SDK1: variants seen among roughly 807,000 people sequenced by gnomAD.
The protein encoded by SDK1 is protein sidekick-1.
SDK1 carries 157 observed loss-of-function variants against 245.5 expected under a neutral mutation model. The ratio of observed to expected loss-of-function variants is 0.64; its 90% CI spans 0.56 to 0.73. The LOEUF (loss-of-function observed/expected upper bound fraction) is 0.73, where lower values mean the gene tolerates loss of function less well. SDK1 is among the 30% of genes least tolerant of loss of function. SDK1 has a pLI of 0.00. For synonymous variants in SDK1, 1,647 were observed against 1,278.5 expected, an observed-to-expected ratio of 1.29 and a Z score of -6.15; for missense variants, 3,583 against 3,002.3, an observed-to-expected ratio of 1.19 and a Z score of -4.52.
rs117600916 is a variant in SDK1 at position 4,248,910 on chromosome 7, C to T, written c.6381+3105C>T. Among the ~76,000 whole-genome samples the T allele has an allele frequency of 3.3e-3, 454 of 139,472 alleles. 11 individuals are homozygous for T. In the East Asian group the frequency reaches 0.053, roughly 16 times the overall value. 91.5% of individuals were successfully genotyped at this position (139,472 alleles called of 152,430 possible). ...AAGTACAAGCACACATGCATACCAC[C>T]ATGCACACATACACATATGTACATA... On this transcript the variant is annotated intron_variant, in intron 44 of 44. Transcript: ENST00000404826.
At chr7:3,684,049 A>G (rs1450373314) in intron 4 of SDK1, among the ~76,000 whole-genome samples, 1 of 152,160 alleles carries the variant, frequency 6.6e-6, no homozygotes, top group African/African-American at 2.4e-5. Context: ...TCAAGCGTTC[A>G]GGTGCTCAAG....
intron 1 of SDK1, among the ~76,000 whole-genome samples, chr7:3,598,732 C>A (rs1168444059): frequency 6.6e-6 from 1 of 152,178 alleles, no homozygotes; most frequent in Non-Finnish European, 1.5e-5. Context: ...TTTGGGATCA[C>A]ATTTTTGTCA....
At chr7:3,748,713 G>A (rs1173240100) in intron 4 of SDK1, among the ~76,000 whole-genome samples, 2 of 152,090 alleles carry the variant, frequency 1.3e-5, no homozygotes, top group African/African-American at 4.8e-5. Context: ...CAATCACAGG[G>A]CAAATTAAAT....
intron 4 of SDK1, among the ~76,000 whole-genome samples, chr7:3,801,982 C>G (rs1240670579): frequency 6.6e-6 from 1 of 152,156 alleles, no homozygotes; most frequent in African/African-American, 2.4e-5. Context: ...TAGGGGTATT[C>G]CTTTTTCTTT....
intron 4 of SDK1, among the ~76,000 whole-genome samples, chr7:3,775,836 A>G (rs1780542008): frequency 1.3e-5 from 2 of 152,034 alleles, no homozygotes; most frequent in South Asian, 2.1e-4. Context: ...TCGGCCTCCC[A>G]AAGTGCTGGG....
intron 4 of SDK1, among the ~76,000 whole-genome samples, chr7:3,659,620 AC>A (rs1783292770): frequency 6.6e-6 from 1 of 152,170 alleles, no homozygotes; most frequent in Non-Finnish European, 1.5e-5. Flanking sequence ...GTCTGTGGAA[AC>A]GAGTGAATTT....
At chr7:4,087,339 A>G (rs921246238) in intron 22 of SDK1, among the ~76,000 whole-genome samples, 1 of 152,128 alleles carries the variant, frequency 6.6e-6, no homozygotes, top group Non-Finnish European at 1.5e-5. Flanking sequence ...CTATTTCTGA[A>G]CTTTTCATTC....
At chr7:3,605,165 CT>C (rs1328332676) in intron 1 of SDK1, among the ~76,000 whole-genome samples, 1 of 150,606 alleles carries the variant, frequency 6.6e-6, no homozygotes, top group Non-Finnish European at 1.5e-5. Context: ...CACACACACA[CT>C]AGGTGTGATG....
At chr7:3,889,629 T>A (rs1781411199) in intron 5 of SDK1, among the ~76,000 whole-genome samples, 1 of 152,124 alleles carries the variant, frequency 6.6e-6, no homozygotes, top group Admixed American at 6.5e-5. Context: ...TGCCTCAGCC[T>A]CCCAAGTAGC....
At chr7:3,471,407 A>G (rs1051695033) in intron 1 of SDK1, among the ~76,000 whole-genome samples, 5 of 152,170 alleles carry the variant, frequency 3.3e-5, no homozygotes, top group Non-Finnish European at 5.9e-5. Context: ...CTGCAAAATC[A>G]TTATCATCTC....
chr7:3,429,357 T>C (rs991059364), intron 1 of SDK1, among the ~76,000 whole-genome samples: 1 of 152,204 alleles, frequency 6.6e-6, no homozygotes, highest in South Asian at 2.1e-4. Flanking sequence ...TTAGAACTTT[T>C]CTGAGATTAT....
At chr7:3,431,379 T>C (rs1050074134) in intron 1 of SDK1, among the ~76,000 whole-genome samples, 1 of 151,346 alleles carries the variant, frequency 6.6e-6, no homozygotes, top group African/African-American at 2.4e-5. Context: ...TTTTTTTTTT[T>C]TTAAAGCAAA....
chr7:3,615,750 A>T (rs1562604362), intron 1 of SDK1, among the ~76,000 whole-genome samples: 1 of 151,614 alleles, frequency 6.6e-6, no homozygotes. Flanking sequence ...TTTAAAGCGG[A>T]TCACTGCAGT....
intron 13 of SDK1, among the ~76,000 whole-genome samples, chr7:3,986,849 G>T (rs1228128755): frequency 6.6e-6 from 1 of 152,210 alleles, no homozygotes; most frequent in Admixed American, 6.5e-5. Context: ...GACAGAGCGA[G>T]ACTTGGTCTT....
At chr7:3,450,542 A>G (rs552236750) in intron 1 of SDK1, among the ~76,000 whole-genome samples, 2 of 152,308 alleles carry the variant, frequency 1.3e-5, no homozygotes, top group Admixed American at 6.5e-5. Context: ...CTAGTTTGGA[A>G]CAAGTAGACT....
At chr7:3,651,630 C>T (rs949873560) in intron 4 of SDK1, among the ~76,000 whole-genome samples, 2 of 152,110 alleles carry the variant, frequency 1.3e-5, no homozygotes, top group Non-Finnish European at 2.9e-5. Flanking sequence ...GAGACCAATG[C>T]TATGACGTTT....
At position 4,267,483 on chromosome 7, in the gene SDK1, C is replaced by T. The variant is rs1399480427; in HGVS notation, c.*2099C>T. The T allele has an allele frequency of 4.1e-6, 4 of 985,326 alleles. No individual in the cohort carries two copies. Among genetic ancestry groups the T allele is most frequent in the African/African-American group, 1.7e-5 (1 of 57,242 alleles). 61.0% of individuals were successfully genotyped at this position (985,326 alleles called of 1,614,324 possible). A position where few individuals can be genotyped will look rare whatever the true frequency, so the allele number is the denominator to read the frequency against. On this transcript the variant is annotated 3_prime_UTR_variant, in exon 45 of 45. Transcript: ENST00000404826. ...AGACTCACCACAGTGGACAGTGCCA[C>T]CTCCTTCCCCTCGGCCCCGGAGAGG...
rs1002050607 is a variant in SDK1 at position 3,488,208 on chromosome 7, C to T, written c.299-130872C>T. On this transcript the variant is annotated intron_variant, in intron 1 of 44. Coordinates refer to ENST00000404826, the MANE Select transcript of SDK1 (RefSeq NM_152744.4). ...TTTCTGCCTCCCGTTCCCTCTGCCA[C>T]TCCTCCTCCCCAATTTTATGCTGTG... 2.6e-5 allele frequency among the ~76,000 whole-genome samples: 4 copies of T among 152,194 alleles called. No individual in the cohort carries two copies. In the South Asian group the frequency reaches 8.3e-4, roughly 32 times the overall value.
intron 4 of SDK1, among the ~76,000 whole-genome samples, chr7:3,758,644 T>C (rs890372481): frequency 1.3e-5 from 2 of 152,210 alleles, no homozygotes; most frequent in Non-Finnish European, 1.5e-5. Context: ...GCACTTACTC[T>C]GCACTGTGAG....
Sources: gnomAD v4.1 joint callset for allele counts (sites outside exome capture counted in the v4.1 genomes callset) on GRCh38, gnomAD v4.1.1 for gene constraint, MANE v1.5 for transcripts, NCBI Gene and HGNC (gene_info 2026-07-23, HGNC 2026-07-21) for gene names.